The following ARHGEF33 variants were observed in gnomAD, a reference collection of about 807,000 sequenced individuals.
ARHGEF33 encodes the protein Rho guanine nucleotide exchange factor 33, also known as DH and coiled-coil domain-containing protein ENSP00000381780.
A neutral mutation model predicts 101.9 loss-of-function variants in ARHGEF33; 72 were observed. The observed-to-expected ratio is 0.71, with a 90% confidence interval of 0.58 to 0.86. The LOEUF (loss-of-function observed/expected upper bound fraction) is 0.86, where lower values mean the gene tolerates loss of function less well. ARHGEF33 is among the 40% of genes least tolerant of loss of function. ARHGEF33 has a pLI of 0.00. For synonymous variants in ARHGEF33, 499 were observed against 442.5 expected (o/e 1.13, Z -1.60); for missense variants, 1,169 against 1,111.3 (o/e 1.05, Z -0.74).
chr2:38,964,930 C>T (rs973976042), intron 16 of ARHGEF33, among the ~76,000 whole-genome samples: 3 of 152,024 alleles, frequency 2.0e-5, no homozygotes, highest in African/African-American at 7.2e-5. Context: ...GTCACAGGAC[C>T]GCACTTTAAG....
intron 13 of ARHGEF33, among the ~76,000 whole-genome samples, chr2:38,955,312 G>A (rs1366895238): frequency 1.3e-5 from 2 of 151,996 alleles, no homozygotes; most frequent in African/African-American, 4.8e-5. Flanking sequence ...TGAAAGAGAG[G>A]TTCACTAACC....
chr2:38,923,455 A>G (rs1666804788), intron 4 of ARHGEF33, among the ~76,000 whole-genome samples: 1 of 152,080 alleles, frequency 6.6e-6, no homozygotes, highest in Admixed American at 6.6e-5. Context: ...TCTCTATCTC[A>G]TTTTATTTTC....
intron 6 of ARHGEF33, among the ~76,000 whole-genome samples, chr2:38,930,778 G>A (rs767745150): frequency 9.9e-5 from 15 of 152,154 alleles, no homozygotes; most frequent in African/African-American, 1.4e-4. Context: ...ATTGCTAAGC[G>A]AATATAAATC....
intron 10 of ARHGEF33, among the ~76,000 whole-genome samples, chr2:38,948,325 ATCCACTGTAGG>A (rs1667504339): frequency 6.6e-6 from 1 of 152,226 alleles, no homozygotes. Flanking sequence ...TTCGTATAGA[ATCCACTGTAGG>A]TCATTGTTTT....
intron 2 of ARHGEF33, among the ~76,000 whole-genome samples, chr2:38,913,918 A>G (rs1312561535): frequency 6.6e-6 from 1 of 152,168 alleles, no homozygotes; most frequent in Non-Finnish European, 1.5e-5. Flanking sequence ...TAAAAAAAAA[A>G]GGCAGATAAC....
rs1225216458 is a variant in ARHGEF33, at chr2:38,937,567, C to G, written c.790+8C>G. On this transcript the variant is annotated splice_region_variant and intron_variant, in intron 9 of 17. Transcript: ENST00000409978. Reference sequence around the variant, plus strand: ...GTGAAACCTCCTTAGCTGGTAAGTTCCAAGGGGGAATGCAGGCTAATAGTT... The same window carrying G: ...GTGAAACCTCCTTAGCTGGTAAGTTGCAAGGGGGAATGCAGGCTAATAGTT... 6.9e-7 allele frequency: 1 copy of G among 1,456,422 alleles called. No homozygotes were observed. Among genetic ancestry groups the G allele is most frequent in the East Asian group, 2.5e-5 (1 of 40,446 alleles). The allele number at this position is 1,456,422 out of a possible 1,614,324, so 90.2% of individuals were successfully genotyped here.
chr2:38,904,622 G>C (rs1218879831), intron 2 of ARHGEF33, among the ~76,000 whole-genome samples: 1 of 150,058 alleles, frequency 6.7e-6, no homozygotes, highest in African/African-American at 2.4e-5. Context: ...AGGGAGAACT[G>C]CTTGAACCTG....
Position 38,890,003 on chromosome 2 carries a change from A to G in ARHGEF33, c.-159+17A>G, listed in dbSNP as rs1025216461. 2.4e-5 allele frequency: 11 copies of G among 464,686 alleles called. No individual in the cohort carries two copies. Among genetic ancestry groups the G allele is most frequent in the African/African-American group, 2.0e-4 (10 of 49,810 alleles). The allele number at this position is 464,686 out of a possible 1,614,324, so 28.8% of individuals were successfully genotyped here. On this transcript the variant is annotated intron_variant, in intron 1 of 17. Transcript: ENST00000409978. ...CAACATGGGGTAAGTATGCGCTTTT[A>G]TATGCTTTAAGGGGCACTGAAAGGG...
chr2:38,890,255 T>C (rs1282648510), intron 1 of ARHGEF33, among the ~76,000 whole-genome samples: 1 of 152,218 alleles, frequency 6.6e-6, no homozygotes, highest in East Asian at 1.9e-4. Flanking sequence ...TTGTTCTGCA[T>C]ATTAATAAAT....
chr2:38,899,249 T>C (rs1278171273), intron 2 of ARHGEF33, among the ~76,000 whole-genome samples: 2 of 152,192 alleles, frequency 1.3e-5, no homozygotes, highest in African/African-American at 4.8e-5. Flanking sequence ...TGCACTCTCC[T>C]CCATAAACTA....
Position 38,939,933 on chromosome 2 carries a change from G to A in ARHGEF33, c.790+2374G>A, listed in dbSNP as rs528023259. 5.4e-4 allele frequency among the ~76,000 whole-genome samples: 83 copies of A among 152,294 alleles called. 1 individual carries two copies. Among genetic ancestry groups the A allele is most frequent in the South Asian group, 2.9e-3 (14 of 4,832 alleles). On this transcript the variant is annotated intron_variant, in intron 9 of 17. Transcript: ENST00000409978. ...TTCTTCTAAAATCTTTATAGTTTTA[G>A]CTTTCACATTTAGGTCTATGACTTA... is the stretch of plus-strand genomic sequence containing the variant.
At chr2:38,953,334 C>A (rs1186471571) in intron 12 of ARHGEF33, 89 bp downstream of exon 12, 1 of 782,350 alleles carries the variant, frequency 1.3e-6, no homozygotes, top group Non-Finnish European at 2.2e-6. Flanking sequence ...AGCGCATGCA[C>A]TGTGCTTTCT....
chr2:38,935,831 C>A lies in ARHGEF33; in HGVS notation c.562C>A (p.Pro188Thr). The A allele has an allele frequency of 6.4e-7, 1 of 1,550,484 alleles. No homozygotes were observed. Among genetic ancestry groups the A allele is most frequent in the South Asian group, 1.2e-5 (1 of 83,976 alleles). The change falls in exon 8 of 18, where the codon CCT (proline) becomes ACT (threonine). Residue 188 changes from proline to threonine, a missense_variant. Pro to Thr is a conservative substitution (Grantham distance 38, BLOSUM62 -1). Transcript: ENST00000409978. Reference protein sequence around the residue: ...GDSNVKGMMGPGVNPTTPEAE... With the variant: ...GDSNVKGMMGTGVNPTTPEAE... Reference sequence around the variant, plus strand: ...CAGTAATGTAAAAGGAATGATGGGTCCTGGTAAGTGACTCTTCTCTTAGTT... The same window carrying A: ...CAGTAATGTAAAAGGAATGATGGGTACTGGTAAGTGACTCTTCTCTTAGTT...
chr2:38,951,208 C>T, intron 11 of ARHGEF33, 87 bp downstream of exon 11: 4 of 1,299,022 alleles, frequency 3.1e-6, no homozygotes, highest in Non-Finnish European at 3.2e-6. Context: ...AATCTAGAAG[C>T]AGTGAATTTC....
Position 38,960,186 on chromosome 2 carries a change from G to A in ARHGEF33, c.1881G>A (p.Ala627=), listed in dbSNP as rs1476718079. The A allele has an allele frequency of 1.3e-6, 2 of 1,543,810 alleles. No individual in the cohort carries two copies. The highest frequency in any genetic ancestry group is 1.2e-5 in the South Asian group (1 of 83,888). Residue 627 remains alanine (A), a synonymous_variant, in exon 16 of 18, where the codon GCG becomes GCA. Coordinates refer to ENST00000409978, the MANE Select transcript of ARHGEF33 (RefSeq NM_001145451.5). ...GCGGCGAGATCTTCGCGCTGCCCGC[G>A]CCCTACGACGAGGAGCCGTTCCAGG... ...EYGGEIFALP[A]PYDEEPFQAP...
intron 13 of ARHGEF33, among the ~76,000 whole-genome samples, chr2:38,955,809 T>A (rs1370993872): frequency 6.6e-6 from 1 of 152,044 alleles, no homozygotes; most frequent in Non-Finnish European, 1.5e-5. Flanking sequence ...CCGGAGTAGC[T>A]GGGACTACAG....
intron 4 of ARHGEF33, among the ~76,000 whole-genome samples, chr2:38,928,569 C>T (rs1198409930): frequency 4.6e-5 from 7 of 152,118 alleles, no homozygotes; most frequent in Admixed American, 4.6e-4. Flanking sequence ...GTTATTGGAT[C>T]AAGATTCACA....
rs186834618 is a variant in ARHGEF33, at chr2:38,956,904, C to T, written c.1227C>T (p.Val409=). Residue 409 remains valine (V), a synonymous_variant, in exon 14 of 18, where the codon GTC becomes GTT. Transcript: ENST00000409978. The part of the protein sequence containing the change: ...IPEYLIHLQN[V]LKFTEQEHPD... ...TCCTTTTCCCCTCCATCCAGAACGT[C>T]CTGAAGTTCACAGAGCAGGAGCACC... 6 of 1,552,334 alleles carry T rather than the reference C, an allele frequency of 3.9e-6. No individual in the cohort carries two copies. In the East Asian group the frequency reaches 1.5e-4, roughly 38 times the overall value.
At chr2:38,907,745 C>T (rs954425356) in intron 2 of ARHGEF33, among the ~76,000 whole-genome samples, 6 of 152,242 alleles carry the variant, frequency 3.9e-5, no homozygotes, top group African/African-American at 9.6e-5. Flanking sequence ...TCTTTCCTTC[C>T]TATCAATTGG....
Sources: allele counts gnomAD v4.1 joint callset (sites outside exome capture counted in the v4.1 genomes callset), GRCh38; gene constraint gnomAD v4.1.1; transcripts MANE v1.5; gene names NCBI Gene and HGNC (gene_info 2026-07-23, HGNC 2026-07-21).